Variants in CCDC91 observed in about 807,000 individuals in gnomAD.
CCDC91 encodes the protein coiled-coil domain-containing protein 91.
CCDC91 carries 48 observed loss-of-function variants against 63.2 expected under a neutral mutation model. That is an observed-to-expected ratio of 0.76 (90% CI 0.60 to 0.97). The LOEUF (loss-of-function observed/expected upper bound fraction) is 0.97. CCDC91 is among the 50% of genes least tolerant of loss of function. The pLI, the probability that CCDC91 is intolerant of heterozygous loss-of-function variation, is 0.00. For synonymous variants in CCDC91, 167 were observed against 165.8 expected (o/e 1.01, Z -0.06); for missense variants, 500 against 494.6 (o/e 1.01, Z -0.10).
intron 1 of CCDC91, among the ~76,000 whole-genome samples, chr12:28,200,793 A>C (rs1942179678): frequency 6.6e-6 from 1 of 151,008 alleles, no homozygotes; most frequent in Non-Finnish European, 1.5e-5. Flanking sequence ...TGTTGGGTAC[A>C]CCTCCCAGAC....
chr12:28,302,585 G>T, intron 3 of CCDC91: 1 of 942,632 alleles, frequency 1.1e-6, no homozygotes, highest in Non-Finnish European at 1.3e-6. Context: ...AATATTGTGA[G>T]GTCACAGAGG....
At chr12:28,351,803 G>A (rs948365373) in intron 6 of CCDC91, among the ~76,000 whole-genome samples, 1 of 151,744 alleles carries the variant, frequency 6.6e-6, no homozygotes, top group African/African-American at 2.4e-5. Flanking sequence ...CTGCATCCTA[G>A]GCTTCATCCT....
chr12:28,518,337 AGTG>A (rs1940188810), intron 12 of CCDC91, among the ~76,000 whole-genome samples: 1 of 151,792 alleles, frequency 6.6e-6, no homozygotes, highest in African/African-American at 2.4e-5. Context: ...GCAGTAGTAA[AGTG>A]GTATTGCATT....
intron 12 of CCDC91, among the ~76,000 whole-genome samples, chr12:28,505,912 C>T (rs945480963): frequency 2.0e-5 from 3 of 151,940 alleles, no homozygotes; most frequent in Admixed American, 1.3e-4. Flanking sequence ...AGCACCTTTG[C>T]GCCACAGGAA....
chr12:28,295,285 T>C (rs1949497367), intron 3 of CCDC91, among the ~76,000 whole-genome samples: 1 of 152,208 alleles, frequency 6.6e-6, no homozygotes, highest in African/African-American at 2.4e-5. Flanking sequence ...TTAATATATA[T>C]CTACTTTATC....
intron 6 of CCDC91, among the ~76,000 whole-genome samples, chr12:28,334,062 A>G (rs111230494): frequency 0.016 from 2,290 of 147,164 alleles, 43 homozygotes; most frequent in African/African-American, 0.052. Flanking sequence ...GTGTGTGTGT[A>G]TGTGTATGTG....
At chr12:28,500,017 A>G (rs1045298860) in intron 12 of CCDC91, among the ~76,000 whole-genome samples, 1 of 151,998 alleles carries the variant, frequency 6.6e-6, no homozygotes, top group Non-Finnish European at 1.5e-5. Context: ...TTGTTTCCTG[A>G]CTTTTTAATG....
rs1304373162 is a variant in CCDC91, at chr12:28,267,810, ATATAATTATATTATTAAT to A, written c.109+8369_109+8386del. ...TAATTATATATAATTATATAGTAAT[ATATAATTATATTATTAAT>A]ATATAATTATATATAATTATATAGT... On this transcript the variant is annotated intron_variant, in intron 3 of 12. Transcript: ENST00000536442. Among the ~76,000 whole-genome samples, 5 of 46,292 alleles carry A rather than the reference ATATAATTATATTATTAAT, an allele frequency of 1.1e-4. 1 individual carries two copies. The highest frequency in any genetic ancestry group is 2.2e-4 in the Non-Finnish European group (5 of 23,254). 30.4% of individuals were successfully genotyped at this position (46,292 alleles called of 152,430 possible). A position where few individuals can be genotyped will look rare whatever the true frequency, so the allele number is the denominator to read the frequency against.
At chr12:28,438,357 T>C (rs1247775811) in intron 8 of CCDC91, among the ~76,000 whole-genome samples, 3 of 152,108 alleles carry the variant, frequency 2.0e-5, no homozygotes, top group Non-Finnish European at 4.4e-5. Context: ...ACATGGCCTT[T>C]GTCTGCTCAA....
At chr12:28,260,725 A>G (rs1946770079) in intron 3 of CCDC91, among the ~76,000 whole-genome samples, 2 of 151,948 alleles carry the variant, frequency 1.3e-5, no homozygotes, top group South Asian at 2.1e-4. Context: ...TCTGGCTTAT[A>G]GTTGGCTCTC....
chr12:28,422,501 A>G (rs1012324953), intron 8 of CCDC91, among the ~76,000 whole-genome samples: 3 of 152,064 alleles, frequency 2.0e-5, no homozygotes, highest in Non-Finnish European at 2.9e-5. Flanking sequence ...CTTGAGTCTC[A>G]TTCTCATAAA....
intron 11 of CCDC91, among the ~76,000 whole-genome samples, chr12:28,476,647 C>G (rs1951110106): frequency 6.6e-6 from 1 of 151,858 alleles, no homozygotes. Context: ...GATAGAAACA[C>G]AAAAAACCCT....
intron 1 of CCDC91, among the ~76,000 whole-genome samples, chr12:28,246,005 T>C (rs536405706): frequency 1.3e-5 from 2 of 152,306 alleles, no homozygotes; most frequent in East Asian, 3.9e-4. Flanking sequence ...TCCTGTAAAC[T>C]ACCCAGATGT....
intron 1 of CCDC91, among the ~76,000 whole-genome samples, chr12:28,252,374 G>A (rs1946173880): frequency 6.6e-6 from 1 of 151,350 alleles, no homozygotes; most frequent in African/African-American, 2.4e-5. Context: ...TCTCTTTTCT[G>A]TCTTTCTTGA....
intron 12 of CCDC91, among the ~76,000 whole-genome samples, chr12:28,510,647 T>A (rs1939275764): frequency 6.6e-6 from 1 of 151,922 alleles, no homozygotes; most frequent in Admixed American, 6.6e-5. Context: ...GAATAATCTT[T>A]AGCCAAATAT....
chr12:28,416,173 A>G (rs1417997812), intron 8 of CCDC91, among the ~76,000 whole-genome samples: 1 of 152,120 alleles, frequency 6.6e-6, no homozygotes, highest in African/African-American at 2.4e-5. Flanking sequence ...CTTCTTATTA[A>G]CTTTTATGTT....
At chr12:28,433,438 G>A (rs1948736270) in intron 8 of CCDC91, among the ~76,000 whole-genome samples, 1 of 151,876 alleles carries the variant, frequency 6.6e-6, no homozygotes, top group African/African-American at 2.4e-5. Flanking sequence ...GCGTGTGGAT[G>A]TTCAGATGTT....
intron 12 of CCDC91, among the ~76,000 whole-genome samples, chr12:28,533,408 A>G (rs1039210194): frequency 1.3e-5 from 2 of 152,044 alleles, no homozygotes; most frequent in African/African-American, 4.8e-5. Context: ...TTCCATCAAT[A>G]GTTTACGTGG....
chr12:28,525,926 C>T (rs763663715), intron 12 of CCDC91, among the ~76,000 whole-genome samples: 11 of 152,122 alleles, frequency 7.2e-5, no homozygotes, highest in Middle Eastern at 3.4e-3. Flanking sequence ...TGCTCACTTT[C>T]GGTGTCCATT....
Sources: gnomAD v4.1 joint callset for allele counts (sites outside exome capture counted in the v4.1 genomes callset) on GRCh38, gnomAD v4.1.1 for gene constraint, MANE v1.5 for transcripts, NCBI Gene and HGNC (gene_info 2026-07-23, HGNC 2026-07-21) for gene names.